Variants in EML5 observed in about 807,000 individuals in gnomAD.
EML5 encodes the protein echinoderm microtubule-associated protein-like 5.
EML5 carries 120 observed loss-of-function variants against 250.0 expected under a neutral mutation model. That is an observed-to-expected ratio of 0.48 (90% CI 0.41 to 0.56). The LOEUF (loss-of-function observed/expected upper bound fraction) is 0.56. EML5 is among the 20% of genes least tolerant of loss of function. The probability of loss-of-function intolerance (pLI) is 0.00; values close to 1 mark genes in which losing one functional copy is unlikely to be tolerated. For synonymous variants in EML5, 771 were observed against 806.5 expected, an observed-to-expected ratio of 0.96 and a Z score of 0.75; for missense variants, 2,006 against 2,437.6, an observed-to-expected ratio of 0.82 and a Z score of 3.73.
chr14:88,619,548 T>C (rs1162242428), intron 39 of EML5: 1 of 152,168 alleles, frequency 6.6e-6, no homozygotes, highest in Non-Finnish European at 1.5e-5. Flanking sequence ...ACATAATTAA[T>C]AAGCTAACAA....
chr14:88,749,003 A>C (rs942665401), intron 2 of EML5, among the ~76,000 whole-genome samples: 2 of 152,018 alleles, frequency 1.3e-5, no homozygotes, highest in African/African-American at 4.8e-5. Context: ...AGGAAAAGAA[A>C]AAAAAAAACT....
chr14:88,747,608 A>T (rs2094025517), intron 2 of EML5, among the ~76,000 whole-genome samples: 1 of 152,222 alleles, frequency 6.6e-6, no homozygotes, highest in African/African-American at 2.4e-5. Context: ...AATGTGCGAA[A>T]TAAAATTAAG....
At chr14:88,733,905 T>C (rs1374010211) in intron 7 of EML5, among the ~76,000 whole-genome samples, 1 of 151,996 alleles carries the variant, frequency 6.6e-6, no homozygotes, top group East Asian at 1.9e-4. Flanking sequence ...TTCTCTATGA[T>C]ACAATCCTAG....
chr14:88,700,785 G>A lies in EML5; in HGVS notation c.2238+1661C>T, dbSNP rs570189635. Among the ~76,000 whole-genome samples the A allele has an allele frequency of 1.7e-4, 26 of 152,258 alleles. No individual in the cohort carries two copies. In the South Asian group the frequency reaches 5.4e-3, roughly 32 times the overall value. On this transcript the variant is annotated intron_variant, in intron 14 of 43. Coordinates refer to ENST00000554922, the MANE Select transcript of EML5 (RefSeq NM_183387.3). Reference sequence around the variant, plus strand: ...GTGCCTGTACCGGAAAGGTTAGATCGTAAACCATTAAATACAACTGTGCAT... The same window carrying A: ...GTGCCTGTACCGGAAAGGTTAGATCATAAACCATTAAATACAACTGTGCAT...
intron 23 of EML5, 75 bp from the exon 24 acceptor site, chr14:88,663,194 A>C (rs577435427): frequency 8.6e-5 from 86 of 1,002,976 alleles, no homozygotes; most frequent in Admixed American, 2.1e-4. Context: ...ATGATGTTTA[A>C]GTTTTATGGG....
At chr14:88,775,856 GT>G (rs965672260) in intron 1 of EML5, among the ~76,000 whole-genome samples, 3 of 152,212 alleles carry the variant, frequency 2.0e-5, no homozygotes, top group Non-Finnish European at 4.4e-5. Flanking sequence ...CATAGTGGTG[GT>G]GGCCACAGGG....
chr14:88,627,356 CCAAT>C (rs2090071944), intron 34 of EML5: 1 of 449,810 alleles, frequency 2.2e-6, no homozygotes, highest in Admixed American at 3.9e-5. Flanking sequence ...ATCTCCAAAA[CCAAT>C]CAAATCATTA....
intron 27 of EML5, among the ~76,000 whole-genome samples, chr14:88,650,700 G>A (rs2140799823): frequency 6.6e-6 from 1 of 152,246 alleles, no homozygotes; most frequent in South Asian, 2.1e-4. Flanking sequence ...GTGCAAGGGT[G>A]CGATCATAGC....
chr14:88,683,099 T>C (rs1277179558), intron 20 of EML5, among the ~76,000 whole-genome samples: 1 of 152,298 alleles, frequency 6.6e-6, no homozygotes, highest in Non-Finnish European at 1.5e-5. Context: ...TTCTTAACTA[T>C]TCTTGAATAT....
At chr14:88,637,390 T>G (rs1407318794) in intron 32 of EML5, among the ~76,000 whole-genome samples, 1 of 152,140 alleles carries the variant, frequency 6.6e-6, no homozygotes, top group African/African-American at 2.4e-5. Context: ...AAGGGCCAAA[T>G]TCCTAAAAGA....
chr14:88,617,178 G>C lies in EML5; in HGVS notation c.5643-299C>G, dbSNP rs188968681. 4.5e-4 allele frequency: 83 copies of C among 185,030 alleles called. 1 individual carries two copies. In the East Asian group the frequency reaches 9.4e-3, roughly 21 times the overall value. 11.5% of individuals were successfully genotyped at this position (185,030 alleles called of 1,614,324 possible). A position where few individuals can be genotyped will look rare whatever the true frequency, so the allele number is the denominator to read the frequency against. On this transcript the variant is annotated intron_variant, in intron 41 of 43. Transcript: ENST00000554922. ...TTTTTTTTTTTGAGACGGAGTTTTC[G>C]CTCTTGTTACCCAGGCTGGAGTGCA... is the stretch of plus-strand genomic sequence containing the variant.
intron 1 of EML5, among the ~76,000 whole-genome samples, chr14:88,787,269 G>A (rs570173053): frequency 6.6e-6 from 1 of 152,248 alleles, no homozygotes; most frequent in South Asian, 2.1e-4. Context: ...GCTATTCCTA[G>A]TATACATATG....
chr14:88,726,921 T>G (rs2093674731), intron 7 of EML5, among the ~76,000 whole-genome samples: 1 of 152,138 alleles, frequency 6.6e-6, no homozygotes, highest in African/African-American at 2.4e-5. Flanking sequence ...CAGGTTGGAG[T>G]GCAGTGGCGT....
intron 1 of EML5, among the ~76,000 whole-genome samples, chr14:88,790,218 A>G (rs749762832): frequency 6.6e-6 from 1 of 152,214 alleles, no homozygotes; most frequent in Admixed American, 6.5e-5. Context: ...TTGTGCCACC[A>G]ATTTCAAGAT....
chr14:88,627,447 T>C, intron 34 of EML5, 199 bp downstream of exon 34: 1 of 533,938 alleles, frequency 1.9e-6, no homozygotes, highest in South Asian at 3.1e-5. Flanking sequence ...TTCATTAATT[T>C]ATCTGTTTTG....
At chr14:88,665,596 G>A (rs762210299) in intron 21 of EML5, 107 bp from the exon 22 acceptor site, 149 of 1,454,548 alleles carry the variant, frequency 1.0e-4, no homozygotes, top group Non-Finnish European at 1.3e-4. Flanking sequence ...GGGAGCTGAG[G>A]CAGGAGGACT....
Position 88,613,932 on chromosome 14 carries a change from G to C in EML5, c.*1886C>G, listed in dbSNP as rs537702665. 8.5e-5 allele frequency: 13 copies of C among 152,206 alleles called. No individual in the cohort carries two copies. Among genetic ancestry groups the C allele is most frequent in the Non-Finnish European group, 1.3e-4 (9 of 68,056 alleles). 9.4% of individuals were successfully genotyped at this position (152,206 alleles called of 1,614,324 possible). ...GAGGTGGTCAGCTGATGACTACTTA[G>C]TCAATATGACCTTTAGTCGTGAAAC... is the stretch of plus-strand genomic sequence containing the variant. On this transcript the variant is annotated 3_prime_UTR_variant, in exon 44 of 44. Transcript: ENST00000554922.
chr14:88,721,870 T>A (rs897336190), intron 8 of EML5, among the ~76,000 whole-genome samples: 2 of 152,182 alleles, frequency 1.3e-5, no homozygotes, highest in Admixed American at 1.3e-4. Flanking sequence ...TCTATCCATC[T>A]GACAAAGGTC....
At chr14:88,671,920 C>A (rs370540333) in intron 21 of EML5, among the ~76,000 whole-genome samples, 3 of 152,116 alleles carry the variant, frequency 2.0e-5, no homozygotes, top group African/African-American at 7.2e-5. Context: ...TAGAGACCTA[C>A]GAAGAGACAA....
Sources: gnomAD v4.1 joint callset for allele counts (sites outside exome capture counted in the v4.1 genomes callset) on GRCh38, gnomAD v4.1.1 for gene constraint, MANE v1.5 for transcripts, NCBI Gene and HGNC (gene_info 2026-07-23, HGNC 2026-07-21) for gene names.